Variants in MBOAT2 observed in about 807,000 individuals in gnomAD.
MBOAT2 encodes the protein membrane-bound glycerophospholipid O-acyltransferase 2.
A neutral mutation model predicts 63.4 loss-of-function variants in MBOAT2; 28 were observed. That is an observed-to-expected ratio of 0.44 (90% confidence interval 0.33 to 0.61). The LOEUF (loss-of-function observed/expected upper bound fraction) is 0.61, where lower values mean the gene tolerates loss of function less well. Among genes scored for constraint, MBOAT2 ranks in the 20% least tolerant of loss-of-function variants. The probability of loss-of-function intolerance (pLI) is 0.03; values close to 1 mark genes in which losing one functional copy is unlikely to be tolerated. For missense variants in MBOAT2, 470 were observed against 605.8 expected (o/e 0.78, Z 2.35); for synonymous variants, 211 against 215.6 (o/e 0.98, Z 0.19).
intron 1 of MBOAT2, among the ~76,000 whole-genome samples, chr2:8,971,996 T>C (rs1180549901): frequency 6.6e-6 from 1 of 152,208 alleles, no homozygotes; most frequent in Non-Finnish European, 1.5e-5. Context: ...ATGACTTTCT[T>C]CACAGAATTG....
At chr2:8,957,867 G>A (rs149938727) in intron 2 of MBOAT2, among the ~76,000 whole-genome samples, 274 of 152,182 alleles carry the variant, frequency 1.8e-3, no homozygotes, top group Middle Eastern at 6.8e-3. Flanking sequence ...GCTAACATTT[G>A]TTTGTTACTT....
chr2:8,941,006 A>G (rs1668014199), intron 3 of MBOAT2, among the ~76,000 whole-genome samples: 1 of 152,222 alleles, frequency 6.6e-6, no homozygotes, highest in African/African-American at 2.4e-5. Context: ...TCTAAGTCCC[A>G]TCTAGTGTAT....
chr2:8,891,249 G>A (rs1273598312), intron 4 of MBOAT2, among the ~76,000 whole-genome samples: 1 of 152,196 alleles, frequency 6.6e-6, no homozygotes, highest in Non-Finnish European at 1.5e-5. Flanking sequence ...ATTATCATAG[G>A]GAACTATGCA....
chr2:8,870,591 C>T (rs1447943383), intron 8 of MBOAT2, among the ~76,000 whole-genome samples: 1 of 152,126 alleles, frequency 6.6e-6, no homozygotes, highest in East Asian at 1.9e-4. Context: ...TGGAGATGAA[C>T]GTGGGCACAT....
chr2:8,904,737 A>G (rs1335713113), intron 4 of MBOAT2, among the ~76,000 whole-genome samples: 1 of 151,986 alleles, frequency 6.6e-6, no homozygotes, highest in Non-Finnish European at 1.5e-5. Flanking sequence ...ATATTACTAC[A>G]CATTTCATGG....
At chr2:9,001,786 A>G (rs534215840) in intron 1 of MBOAT2, among the ~76,000 whole-genome samples, 21 of 152,382 alleles carry the variant, frequency 1.4e-4, no homozygotes, top group Non-Finnish European at 2.6e-4. Context: ...AATAGGTATT[A>G]TTAGCATAGT....
intron 1 of MBOAT2, among the ~76,000 whole-genome samples, chr2:8,973,271 A>G (rs2103315442): frequency 6.6e-6 from 1 of 151,832 alleles, no homozygotes; most frequent in African/African-American, 2.4e-5. Context: ...TCACAGGGAT[A>G]AAAAACCAAA....
intron 1 of MBOAT2, among the ~76,000 whole-genome samples, chr2:8,985,789 A>T (rs182136534): frequency 6.6e-6 from 1 of 151,738 alleles, no homozygotes. Flanking sequence ...CCACAAGCCA[A>T]CTCCCCTCCC....
chr2:8,883,576 G>A (rs1663310018), intron 5 of MBOAT2, among the ~76,000 whole-genome samples: 2 of 152,158 alleles, frequency 1.3e-5, no homozygotes, highest in African/African-American at 2.4e-5. Flanking sequence ...AAGAGCAGAC[G>A]AAAAACAAAC....
intron 8 of MBOAT2, among the ~76,000 whole-genome samples, chr2:8,871,686 C>T (rs1662336034): frequency 6.6e-6 from 1 of 152,148 alleles, no homozygotes; most frequent in Non-Finnish European, 1.5e-5. Flanking sequence ...CACTAGGTTA[C>T]AGCAACTTTT....
chr2:8,899,033 G>T (rs1210023108), intron 4 of MBOAT2, among the ~76,000 whole-genome samples: 1 of 152,130 alleles, frequency 6.6e-6, no homozygotes, highest in Non-Finnish European at 1.5e-5. Context: ...ACAATATCTT[G>T]CAATCCTTTA....
chr2:8,904,222 C>T (rs1470985642), intron 4 of MBOAT2, among the ~76,000 whole-genome samples: 2 of 152,182 alleles, frequency 1.3e-5, no homozygotes, highest in Non-Finnish European at 2.9e-5. Context: ...GATCCAGCTG[C>T]CTCAGCCTCC....
intron 2 of MBOAT2, among the ~76,000 whole-genome samples, chr2:8,951,320 T>C (rs1203790694): frequency 6.6e-6 from 1 of 151,980 alleles, no homozygotes; most frequent in Non-Finnish European, 1.5e-5. Flanking sequence ...TTCTCCTGCC[T>C]CAGCCTCCCG....
chr2:8,929,026 GA>G (rs1667128041), intron 3 of MBOAT2, among the ~76,000 whole-genome samples: 1 of 152,106 alleles, frequency 6.6e-6, no homozygotes, highest in South Asian at 2.1e-4. Context: ...CCCGCAAACT[GA>G]AAGAGCGGTA....
intron 3 of MBOAT2, among the ~76,000 whole-genome samples, chr2:8,921,598 T>C (rs1193036999): frequency 1.3e-5 from 2 of 152,222 alleles, no homozygotes; most frequent in African/African-American, 2.4e-5. Context: ...GAATTTCTTA[T>C]AAAGCAAGTC....
intron 2 of MBOAT2, among the ~76,000 whole-genome samples, chr2:8,946,409 G>A (rs2103246851): frequency 6.6e-6 from 1 of 152,272 alleles, no homozygotes; most frequent in East Asian, 1.9e-4. Context: ...GGAACTTGCA[G>A]ATGATTGTTT....
Position 8,964,403 on chromosome 2 carries a change from T to C in MBOAT2, c.76-5761A>G, listed in dbSNP as rs144221611. ...CCTTATTTACTCATCTTGTGTATTA[T>C]ATTTCATTGTGTTAATACCCAGAGT... On this transcript the variant is annotated intron_variant, in intron 1 of 12. Coordinates refer to ENST00000305997, the MANE Select transcript of MBOAT2 (RefSeq NM_138799.4). Among the ~76,000 whole-genome samples the C allele has an allele frequency of 3.1e-3, 470 of 151,864 alleles. 4 individuals carry two copies. Among genetic ancestry groups the C allele is most frequent in the African/African-American group, 0.011 (453 of 41,388 alleles).
intron 9 of MBOAT2, among the ~76,000 whole-genome samples, chr2:8,866,443 G>A (rs926811563): frequency 5.9e-5 from 9 of 152,046 alleles, no homozygotes; most frequent in Admixed American, 5.2e-4. Context: ...CTTCAACAAT[G>A]ATCAATTTTT....
At chr2:8,952,738 C>CTT (rs1283665939) in intron 2 of MBOAT2, among the ~76,000 whole-genome samples, 5,704 of 138,014 alleles carry the variant, frequency 0.041, 122 homozygotes, top group Non-Finnish European at 0.057. Flanking sequence ...ATGTAACGCC[C>CTT]TTTTTTTTTT....
Sources: gnomAD v4.1 joint callset for allele counts (sites outside exome capture counted in the v4.1 genomes callset) on GRCh38, gnomAD v4.1.1 for gene constraint, MANE v1.5 for transcripts, NCBI Gene and HGNC (gene_info 2026-07-23, HGNC 2026-07-21) for gene names.